The following PTPRT variants were observed in gnomAD, a reference collection of about 807,000 sequenced individuals.
The protein encoded by PTPRT is protein tyrosine phosphatase receptor type T.
PTPRT carries 56 observed loss-of-function variants against 176.8 expected under a neutral mutation model. The ratio of observed to expected loss-of-function variants is 0.32; its 90% CI spans 0.26 to 0.40. PTPRT has a LOEUF of 0.40. PTPRT is among the 10% of genes least tolerant of loss of function. The probability of loss-of-function intolerance (pLI) is 1.00; values close to 1 mark genes in which losing one functional copy is unlikely to be tolerated. For synonymous variants in PTPRT, 783 were observed against 739.0 expected (o/e 1.06, Z -0.96); for missense variants, 1,540 against 1,908.2 (o/e 0.81, Z 3.60).
chr20:42,289,234 G>A (rs1410588248), intron 12 of PTPRT, among the ~76,000 whole-genome samples: 1 of 151,884 alleles, frequency 6.6e-6, no homozygotes, highest in African/African-American at 2.4e-5. Flanking sequence ...TTATGACTGA[G>A]ACCTCAAAAG....
intron 1 of PTPRT, among the ~76,000 whole-genome samples, chr20:42,891,325 T>A (rs2079189275): frequency 6.6e-6 from 1 of 152,186 alleles, no homozygotes; most frequent in Non-Finnish European, 1.5e-5. Context: ...GACAGGGAAG[T>A]GCAGCCACTG....
At chr20:42,116,236 C>T in intron 21 of PTPRT, 1 of 615,592 alleles carries the variant, frequency 1.6e-6, no homozygotes, top group Non-Finnish European at 2.9e-6. Context: ...CTTTCTCATG[C>T]TAGTGCTAAT....
intron 7 of PTPRT, among the ~76,000 whole-genome samples, chr20:42,545,183 T>C (rs2072653068): frequency 6.6e-6 from 1 of 152,228 alleles, no homozygotes; most frequent in Non-Finnish European, 1.5e-5. Flanking sequence ...TCTATCCACC[T>C]GTGCTGGCAA....
chr20:42,782,921 CTA>C (rs1215137770), intron 3 of PTPRT, among the ~76,000 whole-genome samples: 2 of 152,160 alleles, frequency 1.3e-5, no homozygotes, highest in Non-Finnish European at 2.9e-5. Flanking sequence ...AGACTTTAAT[CTA>C]TGTCTTAGAC....
At chr20:42,989,637 T>C (rs1006612420) in intron 1 of PTPRT, among the ~76,000 whole-genome samples, 2 of 152,224 alleles carry the variant, frequency 1.3e-5, no homozygotes, top group African/African-American at 4.8e-5. Context: ...ACAAGGATGT[T>C]CCATCAATGT....
chr20:43,009,622 A>T (rs1020198268), intron 1 of PTPRT, among the ~76,000 whole-genome samples: 2 of 152,174 alleles, frequency 1.3e-5, no homozygotes, highest in Non-Finnish European at 1.5e-5. Flanking sequence ...TGAAGCACTG[A>T]CTGCAGCTGA....
intron 13 of PTPRT, among the ~76,000 whole-genome samples, chr20:42,268,426 G>A (rs1238128752): frequency 2.6e-5 from 4 of 152,066 alleles, no homozygotes; most frequent in Non-Finnish European, 5.9e-5. Context: ...CAGCAGAAAC[G>A]GAACAGCTCG....
At chr20:42,854,085 A>C (rs73907285) in intron 2 of PTPRT, among the ~76,000 whole-genome samples, 1 of 152,180 alleles carries the variant, frequency 6.6e-6, no homozygotes, top group East Asian at 1.9e-4. Flanking sequence ...ATTACGGCTC[A>C]CAATACCTCG....
intron 7 of PTPRT, among the ~76,000 whole-genome samples, chr20:42,624,760 A>T: frequency 6.6e-6 from 1 of 152,220 alleles, no homozygotes; most frequent in Admixed American, 6.5e-5. Context: ...GGATACATGC[A>T]TAACACATTT....
intron 15 of PTPRT, among the ~76,000 whole-genome samples, chr20:42,229,074 C>G (rs1339570419): frequency 6.6e-6 from 1 of 152,090 alleles, no homozygotes. Flanking sequence ...AGGAAGAATT[C>G]CAGGAAGAAT....
At chr20:42,475,685 T>A (rs1274392449) in intron 7 of PTPRT, among the ~76,000 whole-genome samples, 2 of 151,506 alleles carry the variant, frequency 1.3e-5, no homozygotes, top group Admixed American at 1.3e-4. Flanking sequence ...CGGGAGAGAG[T>A]GGTACAGTGA....
intron 23 of PTPRT, among the ~76,000 whole-genome samples, chr20:42,110,123 T>A (rs973545873): frequency 6.6e-6 from 1 of 151,310 alleles, no homozygotes; most frequent in African/African-American, 2.4e-5. Context: ...CTTGGCTCAC[T>A]GCAACCTCCC....
chr20:42,473,905 C>T (rs997511791), intron 7 of PTPRT, among the ~76,000 whole-genome samples: 3 of 152,110 alleles, frequency 2.0e-5, no homozygotes, highest in African/African-American at 7.2e-5. Context: ...GTACTTCTCC[C>T]CATACCTACA....
chr20:42,088,090 C>A (rs534681078), intron 27 of PTPRT, among the ~76,000 whole-genome samples: 1 of 152,156 alleles, frequency 6.6e-6, no homozygotes, highest in South Asian at 2.1e-4. Context: ...CTACAGGTCC[C>A]ATTGCTGGGG....
chr20:42,256,917 C>CAAAGAAGGGGCCTGAGCCCAAGAG (rs1284463847), intron 13 of PTPRT, among the ~76,000 whole-genome samples: 16 of 152,290 alleles, frequency 1.1e-4, no homozygotes, highest in African/African-American at 3.9e-4. Flanking sequence ...GAGTCACCGC[C>CAAAGAAGGGGCCTGAGCCCAAGAG]AAAGAAGGGG....
the PTPRT span, among the ~76,000 whole-genome samples, chr20:42,048,408 G>A: frequency 4.6e-5 from 7 of 152,180 alleles, no homozygotes; most frequent in African/African-American, 9.7e-5. Context: ...AGAGTAGGAC[G>A]GAAGTGATGC....
intron 7 of PTPRT, among the ~76,000 whole-genome samples, chr20:42,485,751 C>T (rs2071454856): frequency 6.6e-6 from 1 of 152,158 alleles, no homozygotes; most frequent in Non-Finnish European, 1.5e-5. Context: ...GACTGCTGGA[C>T]CTTGAAGAGC....
At chr20:42,761,254 GAGAAACCCCATCT>G (rs2076911544) in intron 5 of PTPRT, among the ~76,000 whole-genome samples, 2 of 151,976 alleles carry the variant, frequency 1.3e-5, no homozygotes, top group Non-Finnish European at 2.9e-5. Context: ...GACCAACATG[GAGAAACCCCATCT>G]CTACTAAAAA....
At chr20:42,159,693 A>G (rs750251385) in intron 17 of PTPRT, among the ~76,000 whole-genome samples, 5 of 152,180 alleles carry the variant, frequency 3.3e-5, no homozygotes, top group Non-Finnish European at 5.9e-5. Flanking sequence ...TTTTGAAATT[A>G]AGTGCTAGCT....
Sources: gnomAD v4.1 joint callset for allele counts (sites outside exome capture counted in the v4.1 genomes callset) on GRCh38, gnomAD v4.1.1 for gene constraint, MANE v1.5 for transcripts, NCBI Gene and HGNC (gene_info 2026-07-23, HGNC 2026-07-21) for gene names.